WIPF3: variants seen among roughly 807,000 people sequenced by gnomAD.
WIPF3 encodes WAS/WASL-interacting protein family member 3.
A neutral mutation model predicts 38.9 loss-of-function variants in WIPF3; 33 were observed. The ratio of observed to expected loss-of-function variants is 0.85; its 90% CI spans 0.64 to 1.14. The LOEUF (loss-of-function observed/expected upper bound fraction) is 1.14, where lower values mean the gene tolerates loss of function less well. Among genes scored for constraint, WIPF3 ranks in the 50% most tolerant of loss-of-function variants. The probability of loss-of-function intolerance (pLI) is 0.00; values close to 1 mark genes in which losing one functional copy is unlikely to be tolerated. For synonymous variants in WIPF3, 324 were observed against 269.3 expected (o/e 1.20, Z -1.99); for missense variants, 711 against 652.5 (o/e 1.09, Z -0.98).
chr7:29,846,438 T>C (rs557627843), intron 2 of WIPF3, among the ~76,000 whole-genome samples: 2 of 152,368 alleles, frequency 1.3e-5, no homozygotes, highest in Admixed American at 6.5e-5. Context: ...CGTTGGCTCA[T>C]GCCTGTAATC....
intron 2 of WIPF3, among the ~76,000 whole-genome samples, chr7:29,865,897 G>T (rs1016539160): frequency 2.0e-5 from 3 of 152,168 alleles, no homozygotes; most frequent in Non-Finnish European, 4.4e-5. Context: ...GGTGGCTCAC[G>T]TCTGTAATCC....
intron 2 of WIPF3, among the ~76,000 whole-genome samples, chr7:29,838,861 A>G (rs896043285): frequency 6.6e-6 from 1 of 152,238 alleles, no homozygotes; most frequent in Non-Finnish European, 1.5e-5. Flanking sequence ...TGTTATGGTC[A>G]TGCTCTAAAG....
intron 2 of WIPF3, among the ~76,000 whole-genome samples, chr7:29,851,176 T>C (rs1785089195): frequency 6.6e-6 from 1 of 152,114 alleles, no homozygotes; most frequent in Non-Finnish European, 1.5e-5. Context: ...CACCTTCTGC[T>C]TCTGTGCCAG....
chr7:29,854,792 G>A (rs1035632325), intron 2 of WIPF3, among the ~76,000 whole-genome samples: 4 of 152,194 alleles, frequency 2.6e-5, no homozygotes, highest in Non-Finnish European at 5.9e-5. Flanking sequence ...GCCTCAGAAT[G>A]TATTTAGAGA....
At chr7:29,806,852 G>A (rs1227208520) in intron 1 of WIPF3, among the ~76,000 whole-genome samples, 174 bp downstream of exon 1, 1 of 151,482 alleles carries the variant, frequency 6.6e-6, no homozygotes, top group East Asian at 2.0e-4. Context: ...GGCCCAGGAG[G>A]TTGTCGACGT....
At position 29,915,062 on chromosome 7, in the gene WIPF3, T is replaced by C. The variant is rs1209042343; in HGVS notation, c.*546T>C. On this transcript the variant is annotated 3_prime_UTR_variant, in exon 9 of 9. Transcript: ENST00000242140. ...ACGAGGTGCCATGTCTCGCTTCCAT[T>C]TTGCAGTACAGGGAATTTTTTTTTT... The C allele has an allele frequency of 2.0e-5, 3 of 150,218 alleles. No individual in the cohort carries two copies. Among genetic ancestry groups the C allele is most frequent in the Non-Finnish European group, 4.4e-5 (3 of 67,936 alleles). The allele number at this position is 150,218 out of a possible 1,614,324, so 9.3% of individuals were successfully genotyped here.
At chr7:29,887,446 ATAGTGAGCC>A (rs1278000692) in intron 5 of WIPF3, among the ~76,000 whole-genome samples, 1 of 152,180 alleles carries the variant, frequency 6.6e-6, no homozygotes, top group Non-Finnish European at 1.5e-5. Flanking sequence ...GGCAAAGGAG[ATAGTGAGCC>A]TCTCAGGCAT....
chr7:29,899,350 A>T (rs12386602), intron 7 of WIPF3, among the ~76,000 whole-genome samples: 4,854 of 152,292 alleles, frequency 0.032, 98 homozygotes, highest in Middle Eastern at 0.1. Flanking sequence ...CTGCCCTATC[A>T]CTTTTTATTC....
intron 2 of WIPF3, among the ~76,000 whole-genome samples, chr7:29,858,424 A>C (rs1273097055): frequency 6.6e-6 from 1 of 152,212 alleles, no homozygotes; most frequent in African/African-American, 2.4e-5. Flanking sequence ...CAATGGTTAC[A>C]TCAGCCCACA....
intron 2 of WIPF3, among the ~76,000 whole-genome samples, chr7:29,851,516 A>G (rs1180732461): frequency 1.3e-5 from 2 of 152,218 alleles, no homozygotes; most frequent in African/African-American, 4.8e-5. Context: ...TTACATTCAA[A>G]GTAACAATAT....
chr7:29,841,099 T>C (rs1360504357), intron 2 of WIPF3, among the ~76,000 whole-genome samples: 3 of 152,160 alleles, frequency 2.0e-5, no homozygotes, highest in Non-Finnish European at 4.4e-5. Context: ...GTCAGGATTC[T>C]CTGGTCAAGC....
At chr7:29,834,269 TG>T (rs938158726) in intron 1 of WIPF3, among the ~76,000 whole-genome samples, 4 of 152,018 alleles carry the variant, frequency 2.6e-5, no homozygotes, top group African/African-American at 9.7e-5. Context: ...CTTAGGAAAA[TG>T]GGAGTCTATG....
intron 2 of WIPF3, among the ~76,000 whole-genome samples, chr7:29,835,129 C>T (rs535926087): frequency 1.3e-5 from 2 of 152,080 alleles, no homozygotes; most frequent in East Asian, 1.9e-4. Context: ...GGAAACCTCA[C>T]GCAATGGGCC....
At chr7:29,900,032 G>T (rs532065923) in intron 7 of WIPF3, among the ~76,000 whole-genome samples, 1 of 152,242 alleles carries the variant, frequency 6.6e-6, no homozygotes, top group South Asian at 2.1e-4. Context: ...CTGCCTCCCA[G>T]GTTCAAGTGA....
At chr7:29,881,414 C>A (rs1785713098) in intron 4 of WIPF3, among the ~76,000 whole-genome samples, 1 of 152,200 alleles carries the variant, frequency 6.6e-6, no homozygotes, top group Non-Finnish European at 1.5e-5. Flanking sequence ...TGGTGGCTGA[C>A]ATTCATTAGG....
At position 29,818,170 on chromosome 7, in the gene WIPF3, G is replaced by A. The variant is rs151221715; in HGVS notation, c.-58+11492G>A. On this transcript the variant is annotated intron_variant, in intron 1 of 8. Coordinates refer to ENST00000242140, the MANE Select transcript of WIPF3 (RefSeq NM_001080529.3). ...ATCTTATTAATTAAAATAATTTTCC[G>A]GCCAGGCACAGTGGCTCAAGCCTGT... 3.2e-4 allele frequency among the ~76,000 whole-genome samples: 49 copies of A among 152,042 alleles called. 1 individual carries two copies. Among genetic ancestry groups the A allele is most frequent in the African/African-American group, 1.2e-3 (48 of 41,474 alleles).
intron 4 of WIPF3, among the ~76,000 whole-genome samples, chr7:29,880,262 C>A (rs1349344369): frequency 1.3e-5 from 2 of 152,210 alleles, no homozygotes; most frequent in African/African-American, 4.8e-5. Context: ...CGTACCAGAT[C>A]TTCCATCATG....
intron 2 of WIPF3, among the ~76,000 whole-genome samples, chr7:29,874,036 CTGAAAA>C (rs752795701): frequency 2.0e-5 from 3 of 152,110 alleles, no homozygotes; most frequent in Non-Finnish European, 2.9e-5. Flanking sequence ...CCTGCTCAGC[CTGAAAA>C]ACATGGTCAT....
At chr7:29,857,778 C>CT (rs1469054261) in intron 2 of WIPF3, among the ~76,000 whole-genome samples, 1 of 152,118 alleles carries the variant, frequency 6.6e-6, no homozygotes, top group Admixed American at 6.6e-5. Flanking sequence ...TTTAAATGGA[C>CT]TTTTTTAGAG....
Sources: allele counts gnomAD v4.1 joint callset (sites outside exome capture counted in the v4.1 genomes callset), GRCh38; gene constraint gnomAD v4.1.1; transcripts MANE v1.5; gene names NCBI Gene and HGNC (gene_info 2026-07-23, HGNC 2026-07-21).